The following DNM3 variants were observed in gnomAD, a reference collection of about 807,000 sequenced individuals.
DNM3 encodes the protein dynamin 3.
In DNM3, 47 loss-of-function variants were observed where a neutral mutation model predicts 101.6. The ratio of observed to expected loss-of-function variants is 0.46; its 90% confidence interval spans 0.37 to 0.59. The LOEUF (loss-of-function observed/expected upper bound fraction) is 0.59, where lower values mean the gene tolerates loss of function less well. DNM3 is among the 20% of genes least tolerant of loss of function. The pLI is 0.00. For synonymous variants in DNM3, 385 were observed against 387.9 expected, an observed-to-expected ratio of 0.99 and a Z score of 0.09; for missense variants, 849 against 1,085.7, an observed-to-expected ratio of 0.78 and a Z score of 3.06.
chr1:172,099,251 T>C (rs2054466103), intron 13 of DNM3, among the ~76,000 whole-genome samples: 1 of 152,124 alleles, frequency 6.6e-6, no homozygotes, highest in African/African-American at 2.4e-5. Context: ...TAATACAAAT[T>C]TAATTCACCC....
At chr1:172,267,403 A>G (rs2062906119) in intron 15 of DNM3, among the ~76,000 whole-genome samples, 1 of 152,232 alleles carries the variant, frequency 6.6e-6, no homozygotes, top group Admixed American at 6.5e-5. Flanking sequence ...TGCAAGTGGG[A>G]TGAAAATGGA....
chr1:172,412,750 C>T (rs1180625627), downstream of DNM3: 2 of 984,864 alleles, frequency 2.0e-6, no homozygotes, highest in African/African-American at 3.5e-5. Flanking sequence ...ATATTTGAGT[C>T]ATGTCTATGC....
At chr1:172,069,245 T>C (rs929525001) in intron 11 of DNM3, among the ~76,000 whole-genome samples, 4 of 152,202 alleles carry the variant, frequency 2.6e-5, no homozygotes, top group African/African-American at 9.6e-5. Flanking sequence ...CCACATTTTC[T>C]CTTTAAGACA....
rs1222106338 is a variant in DNM3, at chr1:172,234,615, G to A, written c.1660-18958G>A. 3.5e-4 allele frequency among the ~76,000 whole-genome samples: 53 copies of A among 152,154 alleles called. 1 individual carries two copies. Among genetic ancestry groups the A allele is most frequent in the African/African-American group, 1.1e-3 (47 of 41,514 alleles). On this transcript the variant is annotated intron_variant, in intron 14 of 20. Transcript: ENST00000627582. ...AAAAGAACAAAGCTGGAGGCATCACGCTACCTGACTTCAAACTATATTACA... is the reference window on the plus strand; with the variant it reads ...AAAAGAACAAAGCTGGAGGCATCACACTACCTGACTTCAAACTATATTACA...
At chr1:172,154,303 A>G (rs2058255746) in intron 14 of DNM3, among the ~76,000 whole-genome samples, 1 of 149,974 alleles carries the variant, frequency 6.7e-6, no homozygotes, top group South Asian at 2.1e-4. Flanking sequence ...ACATTATATA[A>G]TCTTTATTTA....
intron 2 of DNM3, among the ~76,000 whole-genome samples, chr1:171,986,071 G>A (rs1445524915): frequency 6.6e-6 from 1 of 152,134 alleles, no homozygotes; most frequent in African/African-American, 2.4e-5. Context: ...ACCCAATAGT[G>A]GATGGGTCCG....
chr1:172,196,286 C>T (rs1340895304), intron 14 of DNM3, among the ~76,000 whole-genome samples: 2 of 151,622 alleles, frequency 1.3e-5, no homozygotes, highest in African/African-American at 4.8e-5. Flanking sequence ...TACCATATTT[C>T]GTTTAACCAA....
At chr1:172,018,423 C>A (rs2047598642) in intron 4 of DNM3, among the ~76,000 whole-genome samples, 1 of 152,110 alleles carries the variant, frequency 6.6e-6, no homozygotes, top group South Asian at 2.1e-4. Flanking sequence ...ACATTTACAA[C>A]AATTCATGTC....
intron 4 of DNM3, among the ~76,000 whole-genome samples, chr1:172,017,414 A>G (rs1325407741): frequency 6.6e-6 from 1 of 151,938 alleles, no homozygotes; most frequent in Non-Finnish European, 1.5e-5. Flanking sequence ...TTTAGTTCAA[A>G]CTGTTTTTTA....
intron 14 of DNM3, among the ~76,000 whole-genome samples, chr1:172,190,802 C>T (rs895357180): frequency 1.3e-5 from 2 of 152,170 alleles, no homozygotes; most frequent in Admixed American, 1.3e-4. Flanking sequence ...CTGTTGGTGG[C>T]ACAAATGTCT....
intron 14 of DNM3, among the ~76,000 whole-genome samples, chr1:172,195,300 C>T (rs1394080564): frequency 6.6e-6 from 1 of 151,908 alleles, no homozygotes; most frequent in Non-Finnish European, 1.5e-5. Context: ...GCTTTAATTA[C>T]TTGTTAGTTC....
At chr1:172,189,208 G>A (rs917790079) in intron 14 of DNM3, among the ~76,000 whole-genome samples, 10 of 151,960 alleles carry the variant, frequency 6.6e-5, no homozygotes, top group East Asian at 1.9e-4. Flanking sequence ...ATGTTGTTCC[G>A]TTGATCTGTT....
chr1:171,928,978 A>T (rs138486167), intron 2 of DNM3, among the ~76,000 whole-genome samples: 19 of 152,190 alleles, frequency 1.2e-4, no homozygotes, highest in Non-Finnish European at 2.2e-4. Flanking sequence ...GCTCCGTCCC[A>T]GGGAGTTACA....
chr1:171,906,218 C>T (rs1283869231), intron 1 of DNM3, among the ~76,000 whole-genome samples: 1 of 150,618 alleles, frequency 6.6e-6, no homozygotes, highest in African/African-American at 2.5e-5. Context: ...GCCTCGACTT[C>T]CTGGGCTCAA....
intron 7 of DNM3, among the ~76,000 whole-genome samples, chr1:172,040,990 G>T (rs1044106671): frequency 6.6e-6 from 1 of 152,044 alleles, no homozygotes; most frequent in Non-Finnish European, 1.5e-5. Flanking sequence ...GCTGGGAGAT[G>T]GGCTAAAGAG....
At chr1:172,064,816 A>G (rs2051525892) in intron 10 of DNM3, among the ~76,000 whole-genome samples, 1 of 152,166 alleles carries the variant, frequency 6.6e-6, no homozygotes, top group African/African-American at 2.4e-5. Flanking sequence ...CCTAGATCCT[A>G]CATTGCTTAG....
chr1:172,361,063 C>T (rs774872472), intron 17 of DNM3, among the ~76,000 whole-genome samples: 13 of 152,022 alleles, frequency 8.6e-5, no homozygotes, highest in Non-Finnish European at 1.9e-4. Flanking sequence ...AGCTCCCGCA[C>T]AGGATGACTC....
In DNM3 at chr1:171,841,531, C is replaced by G; in HGVS notation, c.-126C>G. ...GCGGCGGGCTGGCGGCGGGCTCCGA[C>G]GTCTGCGCCAGGACCTGGCTGGCTG... On this transcript the variant is annotated 5_prime_UTR_variant, in exon 1 of 21. Transcript: ENST00000627582. 1.5e-6 allele frequency: 2 copies of G among 1,332,206 alleles called. No individual in the cohort carries two copies. The highest frequency in any genetic ancestry group is 2.0e-6 in the Non-Finnish European group (2 of 1,009,578). 82.5% of individuals were successfully genotyped at this position (1,332,206 alleles called of 1,614,324 possible).
At chr1:171,891,885 CTG>C (rs796814929) in intron 1 of DNM3, among the ~76,000 whole-genome samples, 4 of 152,322 alleles carry the variant, frequency 2.6e-5, no homozygotes, top group African/African-American at 9.6e-5. Flanking sequence ...AAGGAAGTCA[CTG>C]TGCATAACCC....
Sources: gnomAD v4.1 joint callset for allele counts (sites outside exome capture counted in the v4.1 genomes callset) on GRCh38, gnomAD v4.1.1 for gene constraint, MANE v1.5 for transcripts, NCBI Gene and HGNC (gene_info 2026-07-23, HGNC 2026-07-21) for gene names.